Variants in COL25A1 observed in about 807,000 individuals in gnomAD.
COL25A1 encodes the protein collagen type XXV alpha 1 chain, also known as collagen alpha-1(XXV) chain.
COL25A1 carries 103 observed loss-of-function variants against 128.4 expected under a neutral mutation model. The observed-to-expected ratio is 0.80, with a 90% CI of 0.68 to 0.94. COL25A1 has a LOEUF of 0.94. Among genes scored for constraint, COL25A1 ranks in the 40% least tolerant of loss-of-function variants. The probability of loss-of-function intolerance (pLI) is 0.00; values close to 1 mark genes in which losing one functional copy is unlikely to be tolerated. For synonymous variants in COL25A1, 279 were observed against 277.2 expected (o/e 1.01, Z -0.06); for missense variants, 745 against 840.0 (o/e 0.89, Z 1.40).
At chr4:109,031,310 G>T (rs900844682) in intron 5 of COL25A1, among the ~76,000 whole-genome samples, 1 of 151,678 alleles carries the variant, frequency 6.6e-6, no homozygotes, top group African/African-American at 2.4e-5. Flanking sequence ...TAGAGACGGG[G>T]TTTCACCGTG....
intron 3 of COL25A1, among the ~76,000 whole-genome samples, chr4:109,185,314 A>G (rs1213687004): frequency 6.6e-6 from 1 of 152,156 alleles, no homozygotes; most frequent in African/African-American, 2.4e-5. Context: ...TTGAGCACTT[A>G]TCCTTATAAA....
intron 3 of COL25A1, among the ~76,000 whole-genome samples, chr4:109,208,657 G>A (rs374857013): frequency 9.2e-5 from 14 of 152,148 alleles, no homozygotes; most frequent in African/African-American, 3.4e-4. Flanking sequence ...ACCACATTAC[G>A]AAGGAAAGTG....
rs1748411672 is a variant in COL25A1 at position 108,943,752 on chromosome 4, GA to G, written c.493-2316del. On this transcript the variant is annotated intron_variant, in intron 8 of 37. Transcript: ENST00000399132. ...GGCGTTATCAATTGGGTAAGTCTGA[GA>G]GAGAAATTTTGGCTTTGTTCTATTT... is the stretch of plus-strand genomic sequence containing the variant. Among the ~76,000 whole-genome samples the G allele has an allele frequency of 5.3e-5, 8 of 151,508 alleles. 1 individual carries two copies. The South Asian group carries it at 1.7e-3, about 32-fold the overall frequency.
intron 3 of COL25A1, among the ~76,000 whole-genome samples, chr4:109,165,930 T>C (rs1366479268): frequency 1.3e-5 from 2 of 152,202 alleles, no homozygotes; most frequent in African/African-American, 4.8e-5. Context: ...ATATCTTTAG[T>C]ATCAAAAACA....
chr4:109,054,029 G>T (rs1191503300), intron 3 of COL25A1, among the ~76,000 whole-genome samples: 3 of 152,142 alleles, frequency 2.0e-5, no homozygotes, highest in Admixed American at 2.0e-4. Flanking sequence ...CAGGTCATTA[G>T]ATAATAAATT....
chr4:109,221,542 A>T (rs1400838661), intron 3 of COL25A1, among the ~76,000 whole-genome samples: 4 of 152,246 alleles, frequency 2.6e-5, no homozygotes, highest in Non-Finnish European at 2.9e-5. Flanking sequence ...TGTAATACAT[A>T]AAACATGTAT....
intron 13 of COL25A1, among the ~76,000 whole-genome samples, chr4:108,916,365 G>C (rs1373977875): frequency 6.6e-6 from 1 of 152,116 alleles, no homozygotes; most frequent in Non-Finnish European, 1.5e-5. Context: ...ACTAGGACAA[G>C]AAAATGTCAC....
intron 3 of COL25A1, among the ~76,000 whole-genome samples, chr4:109,107,126 CATA>C (rs1307811063): frequency 6.6e-6 from 1 of 152,028 alleles, no homozygotes; most frequent in African/African-American, 2.4e-5. Context: ...TAGTGTAAAT[CATA>C]ATGACAAATT....
At chr4:109,017,490 C>A (rs1318538366) in intron 5 of COL25A1, among the ~76,000 whole-genome samples, 1 of 152,206 alleles carries the variant, frequency 6.6e-6, no homozygotes, top group Non-Finnish European at 1.5e-5. Context: ...TTATGGTTGC[C>A]AGTAAGTGCT....
chr4:109,181,904 T>C (rs915626256), intron 3 of COL25A1, among the ~76,000 whole-genome samples: 4 of 152,136 alleles, frequency 2.6e-5, no homozygotes, highest in Non-Finnish European at 4.4e-5. Flanking sequence ...TCTGTTTCTA[T>C]GAGTTCAACT....
At chr4:108,920,682 C>A in intron 11 of COL25A1, 78 bp from the exon 12 acceptor site, 1 of 961,246 alleles carries the variant, frequency 1.0e-6, no homozygotes, top group Non-Finnish European at 1.6e-6. Flanking sequence ...CTGTCCTATT[C>A]TCTAAGATTC....
At chr4:109,055,939 AG>A (rs1560607678) in intron 3 of COL25A1, among the ~76,000 whole-genome samples, 2 of 152,192 alleles carry the variant, frequency 1.3e-5, no homozygotes, top group African/African-American at 4.8e-5. Context: ...TACATAACAC[AG>A]GGTTGTTTGT....
At chr4:109,204,476 G>A (rs1273251737) in intron 3 of COL25A1, among the ~76,000 whole-genome samples, 2 of 152,052 alleles carry the variant, frequency 1.3e-5, no homozygotes, top group African/African-American at 2.4e-5. Flanking sequence ...TTTTATTACA[G>A]CCAGAAAAGC....
chr4:108,844,632 A>AATCTTGTGCTG, intron 29 of COL25A1, 63 bp from the exon 30 acceptor site: 1 of 1,566,874 alleles, frequency 6.4e-7, no homozygotes, highest in Non-Finnish European at 8.6e-7. Context: ...GTTCAACTTG[A>AATCTTGTGCTG]ATCTTGTGCT....
intron 3 of COL25A1, among the ~76,000 whole-genome samples, chr4:109,193,663 C>T (rs1775796842): frequency 6.6e-6 from 1 of 152,168 alleles, no homozygotes; most frequent in Non-Finnish European, 1.5e-5. Flanking sequence ...GCTGCACCAA[C>T]TTCGGTCAGA....
At chr4:109,173,114 C>A (rs1271460861) in intron 3 of COL25A1, among the ~76,000 whole-genome samples, 2 of 152,070 alleles carry the variant, frequency 1.3e-5, no homozygotes, top group Non-Finnish European at 2.9e-5. Context: ...GAGACAGGGT[C>A]TCACTCTGTC....
intron 8 of COL25A1, among the ~76,000 whole-genome samples, chr4:108,970,848 C>T (rs1751842673): frequency 6.6e-6 from 1 of 152,014 alleles, no homozygotes; most frequent in Non-Finnish European, 1.5e-5. Flanking sequence ...TAATGTCCTT[C>T]AGGTTCATCC....
At chr4:109,052,247 G>T (rs545213486) in intron 3 of COL25A1, among the ~76,000 whole-genome samples, 15 of 152,196 alleles carry the variant, frequency 9.9e-5, no homozygotes, top group African/African-American at 3.6e-4. Flanking sequence ...ATCTTTTGAA[G>T]AAATCAAAAA....
At chr4:109,266,302 C>A (rs918456918) in intron 3 of COL25A1, among the ~76,000 whole-genome samples, 4 of 152,120 alleles carry the variant, frequency 2.6e-5, no homozygotes, top group African/African-American at 9.7e-5. Context: ...ATTTGCTTGG[C>A]AGGCTATGGA....
Sources: allele counts gnomAD v4.1 joint callset (sites outside exome capture counted in the v4.1 genomes callset), GRCh38; gene constraint gnomAD v4.1.1; transcripts MANE v1.5; gene names NCBI Gene and HGNC (gene_info 2026-07-23, HGNC 2026-07-21).